Variants in ATRN observed in about 807,000 individuals in gnomAD.
ATRN encodes the protein attractin-2.
ATRN carries 54 observed loss-of-function variants against 178.7 expected under a neutral mutation model. The observed-to-expected ratio is 0.30, with a 90% CI of 0.24 to 0.38. The LOEUF is 0.38. Among genes scored for constraint, ATRN ranks in the 10% least tolerant of loss-of-function variants. ATRN has a pLI of 1.00. For synonymous variants in ATRN, 636 were observed against 663.0 expected, an observed-to-expected ratio of 0.96 and a Z score of 0.63; for missense variants, 1,443 against 1,815.1, an observed-to-expected ratio of 0.79 and a Z score of 3.73.
At chr20:3,621,121 GC>G (rs1234025100) in intron 24 of ATRN, among the ~76,000 whole-genome samples, 1 of 152,082 alleles carries the variant, frequency 6.6e-6, no homozygotes, top group Admixed American at 6.5e-5. Flanking sequence ...ATTATCACAC[GC>G]CCTGAGAGGG....
chr20:3,595,437 T>C (rs2086514907), intron 20 of ATRN, among the ~76,000 whole-genome samples: 1 of 152,250 alleles, frequency 6.6e-6, no homozygotes, highest in Non-Finnish European at 1.5e-5. Context: ...ACATCATTGC[T>C]GGTGCTACTC....
intron 1 of ATRN, among the ~76,000 whole-genome samples, chr20:3,476,207 C>T (rs2084527854): frequency 6.6e-6 from 1 of 152,170 alleles, no homozygotes; most frequent in Non-Finnish European, 1.5e-5. Context: ...GAAATAACTC[C>T]CTTTTAGTCC....
At chr20:3,532,714 G>C in intron 1 of ATRN, among the ~76,000 whole-genome samples, 1 of 152,058 alleles carries the variant, frequency 6.6e-6, no homozygotes, top group East Asian at 1.9e-4. Context: ...TGTGGGGGCA[G>C]GATTGCTTAT....
chr20:3,551,888 T>G (rs550146808), intron 6 of ATRN, among the ~76,000 whole-genome samples: 13 of 152,316 alleles, frequency 8.5e-5, no homozygotes, highest in Admixed American at 1.3e-4. Flanking sequence ...CATAGAAGTT[T>G]CAGGCATCAT....
intron 1 of ATRN, among the ~76,000 whole-genome samples, chr20:3,472,959 C>G (rs1224224858): frequency 6.6e-6 from 1 of 152,204 alleles, no homozygotes; most frequent in African/African-American, 2.4e-5. Flanking sequence ...ATTAGGTCTT[C>G]TGAGGAACTC....
chr20:3,515,915 G>A (rs2085200098), intron 1 of ATRN, among the ~76,000 whole-genome samples: 1 of 152,184 alleles, frequency 6.6e-6, no homozygotes, highest in Admixed American at 6.5e-5. Context: ...GAGAGGCATA[G>A]TACGTGCATT....
intron 10 of ATRN, among the ~76,000 whole-genome samples, chr20:3,563,936 C>T (rs2085992839): frequency 6.6e-6 from 1 of 152,164 alleles, no homozygotes; most frequent in Non-Finnish European, 1.5e-5. Flanking sequence ...ATACTAAACA[C>T]ATTCATAATG....
rs956139897 is a variant in ATRN at position 3,497,487 on chromosome 20, GC to G, written c.410+25975del. On this transcript the variant is annotated intron_variant, in intron 1 of 28. Transcript: ENST00000262919. ...TTTTCTTTAAGATTGTTGAATATTG[GC>G]CCCCACTCTCTTCTGGCTTGTAGAG... Among the ~76,000 whole-genome samples, 374 of 152,102 alleles carry G rather than the reference GC, an allele frequency of 2.5e-3. 5 individuals are homozygous for G. The highest frequency in any genetic ancestry group is 8.7e-3 in the African/African-American group (359 of 41,482).
At chr20:3,504,676 ACT>A (rs1469589978) in intron 1 of ATRN, among the ~76,000 whole-genome samples, 33 of 143,940 alleles carry the variant, frequency 2.3e-4, no homozygotes, top group Non-Finnish European at 1.4e-4. Context: ...TAAGAGTGAA[ACT>A]CTGTCTTAAG....
At chr20:3,605,407 G>A (rs770380751) in intron 24 of ATRN, among the ~76,000 whole-genome samples, 1 of 152,186 alleles carries the variant, frequency 6.6e-6, no homozygotes, top group Admixed American at 6.5e-5. Context: ...ATTACTGGGT[G>A]TATATCCAAA....
rs1463631647 is a variant in ATRN at position 3,471,224 on chromosome 20, G to A, written c.117G>A (p.Gly39=). ...PHWDWDVTRA[G]RPGLGAGLRL... is the part of the protein sequence containing the mutation. ...GGGACTGGGACGTGACCAGGGCTGG[G>A]AGGCCGGGGCTGGGGGCCGGGCTGC... The change falls in exon 1 of 29, where the codon GGG becomes GGA. Residue 39 remains glycine (G), a synonymous_variant. Transcript: ENST00000262919. The A allele has an allele frequency of 2.0e-5, 30 of 1,467,382 alleles. No individual in the cohort carries two copies. In the South Asian group the frequency reaches 3.1e-4, roughly 15 times the overall value. 90.9% of individuals were successfully genotyped at this position (1,467,382 alleles called of 1,614,324 possible).
At chr20:3,588,984 T>TTTTG (rs1410994763) in intron 18 of ATRN, among the ~76,000 whole-genome samples, 33 of 109,274 alleles carry the variant, frequency 3.0e-4, no homozygotes, top group African/African-American at 1.1e-3. Context: ...TTCTTTTGTT[T>TTTTG]TTTTTTTTTT....
intron 6 of ATRN, among the ~76,000 whole-genome samples, chr20:3,550,098 C>T (rs1159607567): frequency 6.6e-6 from 1 of 152,216 alleles, no homozygotes; most frequent in Non-Finnish European, 1.5e-5. Flanking sequence ...GAGGCTGAGG[C>T]TGGCGGATCA....
Position 3,535,325 on chromosome 20 carries a change from C to T in ATRN, c.483C>T (p.Leu161=), listed in dbSNP as rs1489132648. ...NYKYKTKCTW[L]IEGQPNRIMR... is the part of the protein sequence containing the mutation. ...AATACAAAACGAAGTGCACGTGGCTCATTGAAGGACAGTAAGTAGAAATGG... is the reference window on the plus strand; with the variant it reads ...AATACAAAACGAAGTGCACGTGGCTTATTGAAGGACAGTAAGTAGAAATGG... The change falls in exon 2 of 29, where the codon CTC becomes CTT. Residue 161 remains leucine, a synonymous_variant. Transcript: ENST00000262919. 1 of 1,535,496 alleles carries T rather than the reference C, an allele frequency of 6.5e-7. No homozygotes were observed. Among genetic ancestry groups the T allele is most frequent in the Admixed American group, 1.8e-5 (1 of 54,552 alleles).
Position 3,646,984 on chromosome 20 carries a change from TGCATGATCACAA to T in ATRN, c.*140_*151del. ...AAACCCTCAAAGCATCTGACTCACCTGCATGATCACAAGCTTTCTTTGACGGTTTCTCCCATC... is the reference window on the plus strand; with the variant it reads ...AAACCCTCAAAGCATCTGACTCACCTGCTTTCTTTGACGGTTTCTCCCATC... On this transcript the variant is annotated 3_prime_UTR_variant, in exon 29 of 29. Transcript: ENST00000262919. 8.7e-7 allele frequency: 1 copy of T among 1,151,768 alleles called. No homozygotes were observed. Among genetic ancestry groups the T allele is most frequent in the Non-Finnish European group, 1.2e-6 (1 of 850,022 alleles). 71.3% of individuals were successfully genotyped at this position (1,151,768 alleles called of 1,614,324 possible).
rs1310390790 is a variant in ATRN, at chr20:3,471,176, G to C, written c.69G>C (p.Ala23=). 1.8e-5 allele frequency: 27 copies of C among 1,503,318 alleles called. No individual in the cohort carries two copies. In the East Asian group the frequency reaches 7.1e-4, roughly 40 times the overall value. The allele number at this position is 1,503,318 out of a possible 1,614,324, so 93.1% of individuals were successfully genotyped here. A position where few individuals can be genotyped will look rare whatever the true frequency, so the allele number is the denominator to read the frequency against. ...GGACGGCGGCGACGGCAGCGCTCGC[G>C]GGCAGGAGCGGCGGGCCGCACTGGG... ...RRRTAATAAL[A]GRSGGPHWDW... Residue 23 remains alanine (A), a synonymous_variant, in exon 1 of 29, where the codon GCG becomes GCC. Transcript: ENST00000262919.
intron 11 of ATRN, among the ~76,000 whole-genome samples, chr20:3,572,013 T>A (rs1431705282): frequency 6.6e-6 from 1 of 152,184 alleles, no homozygotes; most frequent in Non-Finnish European, 1.5e-5. Flanking sequence ...GATTCAATTT[T>A]ATTTTTTTCC....
intron 2 of ATRN, among the ~76,000 whole-genome samples, chr20:3,538,939 T>C (rs1297564761): frequency 6.6e-6 from 1 of 152,230 alleles, no homozygotes; most frequent in Non-Finnish European, 1.5e-5. Context: ...TCCCTCCGTC[T>C]GAAACGTTTT....
At chr20:3,522,937 T>G (rs2748873) in intron 1 of ATRN, among the ~76,000 whole-genome samples, 29,106 of 151,972 alleles carry the variant, frequency 0.19, 3,343 homozygotes, top group Middle Eastern at 0.33. Flanking sequence ...CAAAGGTAGA[T>G]AAATCCACGA....
Sources: gnomAD v4.1 joint callset for allele counts (sites outside exome capture counted in the v4.1 genomes callset) on GRCh38, gnomAD v4.1.1 for gene constraint, MANE v1.5 for transcripts, NCBI Gene and HGNC (gene_info 2026-07-23, HGNC 2026-07-21) for gene names.